KDM4B: variants seen among roughly 807,000 people sequenced by gnomAD.
KDM4B encodes lysine demethylase 4B, also known as lysine-specific demethylase 4B.
Under a neutral mutation model 125.2 loss-of-function variants are expected in KDM4B, and 32 were observed. That is an observed-to-expected ratio of 0.26 (90% confidence interval 0.19 to 0.34). The LOEUF (loss-of-function observed/expected upper bound fraction) is 0.34. Ranked by LOEUF, KDM4B falls within the 10% of genes least tolerant of loss-of-function variation. The pLI is 1.00. For synonymous variants in KDM4B, 721 were observed against 677.9 expected, an observed-to-expected ratio of 1.06 and a Z score of -0.99; for missense variants, 1,190 against 1,577.7, an observed-to-expected ratio of 0.75 and a Z score of 4.16.
intron 2 of KDM4B, among the ~76,000 whole-genome samples, chr19:5,020,885 G>A (rs1336611253): frequency 6.6e-6 from 1 of 152,114 alleles, no homozygotes; most frequent in Admixed American, 6.5e-5. Flanking sequence ...GGTGGCTCAC[G>A]CCTGTCATAC....
At chr19:5,060,477 G>A (rs1320182381) in intron 6 of KDM4B, among the ~76,000 whole-genome samples, 2 of 125,522 alleles carry the variant, frequency 1.6e-5, no homozygotes, top group African/African-American at 5.6e-5. Context: ...AGCCATGATT[G>A]TTCTCCAGCT....
chr19:5,007,235 G>A (rs771150717), intron 1 of KDM4B, among the ~76,000 whole-genome samples: 50 of 152,336 alleles, frequency 3.3e-4, no homozygotes, highest in Admixed American at 1.4e-3. Flanking sequence ...ATATTGGAGA[G>A]GTTTCTAGAA....
chr19:5,048,602 A>AG (rs990737145), intron 6 of KDM4B, among the ~76,000 whole-genome samples: 38 of 81,476 alleles, frequency 4.7e-4, no homozygotes, highest in African/African-American at 7.6e-4. Flanking sequence ...AAGCGGGGAG[A>AG]GGGGGGGGCG....
At chr19:4,987,008 G>A (rs1049881260) in intron 1 of KDM4B, among the ~76,000 whole-genome samples, 1 of 151,706 alleles carries the variant, frequency 6.6e-6, no homozygotes, top group African/African-American at 2.4e-5. Context: ...CTAGGCTGGA[G>A]CGTAGTGGCA....
intron 1 of KDM4B, among the ~76,000 whole-genome samples, chr19:4,972,352 G>C (rs890115817): frequency 1.3e-5 from 2 of 152,172 alleles, no homozygotes; most frequent in Non-Finnish European, 2.9e-5. Flanking sequence ...CCTCCCAGGT[G>C]GTTGTGAGGA....
At chr19:5,069,652 C>A (rs544495716) in intron 6 of KDM4B, among the ~76,000 whole-genome samples, 1 of 146,334 alleles carries the variant, frequency 6.8e-6, no homozygotes, top group Non-Finnish European at 1.5e-5. Context: ...CTCACTCTCT[C>A]GCCCAGGCTG....
At chr19:5,030,011 T>G (rs1390634030) in intron 2 of KDM4B, among the ~76,000 whole-genome samples, 1 of 152,228 alleles carries the variant, frequency 6.6e-6, no homozygotes, top group African/African-American at 2.4e-5. Context: ...TTTTGTCACC[T>G]GACACTGCAG....
intron 7 of KDM4B, among the ~76,000 whole-genome samples, chr19:5,073,617 G>T (rs1292163759): frequency 3.9e-5 from 6 of 152,252 alleles, no homozygotes; most frequent in African/African-American, 1.4e-4. Flanking sequence ...GAGGCCACAG[G>T]CAGGATCTGG....
intron 6 of KDM4B, among the ~76,000 whole-genome samples, chr19:5,059,892 C>T (rs2145768883): frequency 6.6e-6 from 1 of 152,380 alleles, no homozygotes. Flanking sequence ...CCTCACGCCC[C>T]ACTGCCTCTC....
intron 2 of KDM4B, among the ~76,000 whole-genome samples, chr19:5,029,927 C>T (rs532134841): frequency 2.6e-5 from 4 of 152,320 alleles, no homozygotes; most frequent in East Asian, 3.9e-4. Flanking sequence ...CCCGGTGTCA[C>T]GGCTCCACCT....
chr19:5,138,679 A>G (rs1428542337), intron 18 of KDM4B, among the ~76,000 whole-genome samples: 2 of 152,054 alleles, frequency 1.3e-5, no homozygotes. Context: ...CAATTGTAAC[A>G]ATGCTTAGCG....
chr19:4,984,412 AAAT>A (rs765595218), intron 1 of KDM4B, among the ~76,000 whole-genome samples: 3 of 152,170 alleles, frequency 2.0e-5, no homozygotes, highest in Non-Finnish European at 4.4e-5. Context: ...AGCAACTTGA[AAAT>A]AATAGTTTTT....
At chr19:5,064,394 T>C (rs1343688770) in intron 6 of KDM4B, among the ~76,000 whole-genome samples, 2 of 151,074 alleles carry the variant, frequency 1.3e-5, no homozygotes, top group Admixed American at 6.6e-5. Flanking sequence ...CCAGCACGCA[T>C]TGGGCTGTGC....
intron 6 of KDM4B, among the ~76,000 whole-genome samples, chr19:5,069,653 G>A (rs989895861): frequency 2.6e-5 from 4 of 151,968 alleles, no homozygotes; most frequent in Admixed American, 6.6e-5. Flanking sequence ...TCACTCTCTC[G>A]CCCAGGCTGG....
At chr19:4,999,943 A>C (rs1599384220) in intron 1 of KDM4B, among the ~76,000 whole-genome samples, 1 of 130,918 alleles carries the variant, frequency 7.6e-6, no homozygotes, top group Non-Finnish European at 1.6e-5. Flanking sequence ...CCACCCACCT[A>C]TCCATCCATC....
At chr19:5,062,152 G>A (rs947449018) in intron 6 of KDM4B, among the ~76,000 whole-genome samples, 1 of 152,198 alleles carries the variant, frequency 6.6e-6, no homozygotes, top group Non-Finnish European at 1.5e-5. Flanking sequence ...CTCCCAGCAG[G>A]CTGCGGTTGG....
At chr19:5,002,096 C>T (rs2035405275) in intron 1 of KDM4B, among the ~76,000 whole-genome samples, 1 of 151,850 alleles carries the variant, frequency 6.6e-6, no homozygotes, top group Non-Finnish European at 1.5e-5. Context: ...CTCCCAGGTT[C>T]AAGCAATTCT....
rs117588409 is a variant in KDM4B, at chr19:4,987,331, C to T, written c.-109+18101C>T. Among the ~76,000 whole-genome samples the T allele has an allele frequency of 6.6e-3, 1,002 of 152,318 alleles. 5 individuals are homozygous for T. Among genetic ancestry groups the T allele is most frequent in the South Asian group, 7.0e-3 (34 of 4,826 alleles). On this transcript the variant is annotated intron_variant, in intron 1 of 22. Transcript: ENST00000159111. ...GGCCGATTGCGGTCAGGAGCGCTTT[C>T]TCTTATAGACTAAGAGTATATATTG...
intron 6 of KDM4B, among the ~76,000 whole-genome samples, chr19:5,051,430 A>G (rs1444466226): frequency 6.6e-6 from 1 of 152,204 alleles, no homozygotes; most frequent in Admixed American, 6.5e-5. Context: ...TGGGGTGTTT[A>G]GGGGACTGTG....
Sources: gnomAD v4.1 joint callset for allele counts (sites outside exome capture counted in the v4.1 genomes callset) on GRCh38, gnomAD v4.1.1 for gene constraint, MANE v1.5 for transcripts, NCBI Gene and HGNC (gene_info 2026-07-23, HGNC 2026-07-21) for gene names.